The following PDGFRA variants were observed in gnomAD, a reference collection of about 807,000 sequenced individuals.
The protein encoded by PDGFRA is platelet derived growth factor receptor alpha, also known as platelet-derived growth factor receptor alpha.
In PDGFRA, 25 loss-of-function variants were observed where a neutral mutation model predicts 121.5. The ratio of observed to expected loss-of-function variants is 0.21; its 90% CI spans 0.15 to 0.29. The LOEUF is 0.29. Ranked by LOEUF, PDGFRA falls within the 10% of genes least tolerant of loss-of-function variation. The pLI, the probability that PDGFRA is intolerant of heterozygous loss-of-function variation, is 1.00. For synonymous variants in PDGFRA, 463 were observed against 494.8 expected (o/e 0.94, Z 0.85); for missense variants, 1,008 against 1,345.1 (o/e 0.75, Z 3.92).
At chr4:54,249,440 A>G (rs995794669) in intron 1 of PDGFRA, among the ~76,000 whole-genome samples, 4 of 152,318 alleles carry the variant, frequency 2.6e-5, no homozygotes, top group African/African-American at 9.6e-5. Flanking sequence ...TACACCATGG[A>G]ATAGTATGCA....
Position 54,277,410 on chromosome 4 carries a change from G to T in PDGFRA, c.1809G>T (p.Ala603=). 6.2e-7 allele frequency: 1 copy of T among 1,613,590 alleles called. No homozygotes were observed. The highest frequency in any genetic ancestry group is 1.3e-5 in the African/African-American group (1 of 74,866). Residue 603 remains alanine, a synonymous_variant, in exon 13 of 23, where the codon GCG becomes GCT. Transcript: ENST00000257290. ...CAGGTCGGGTCTTGGGGTCTGGAGC[G>T]TTTGGGAAGGTGGTTGAAGGAACAG... ...LVLGRVLGSG[A]FGKVVEGTAY...
chr4:54,255,346 A>C (rs1722301911), intron 1 of PDGFRA, among the ~76,000 whole-genome samples: 1 of 152,144 alleles, frequency 6.6e-6, no homozygotes, highest in African/African-American at 2.4e-5. Context: ...GCATTCAATA[A>C]AGCAGAATTC....
At chr4:54,239,256 G>T (rs749545016) in intron 1 of PDGFRA, among the ~76,000 whole-genome samples, 1 of 152,238 alleles carries the variant, frequency 6.6e-6, no homozygotes, top group Non-Finnish European at 1.5e-5. Context: ...GAAAACTCAT[G>T]AATCTTCTAC....
chr4:54,292,332 G>A (rs561467710), intron 22 of PDGFRA, among the ~76,000 whole-genome samples: 1 of 152,346 alleles, frequency 6.6e-6, no homozygotes, highest in African/African-American at 2.4e-5. Flanking sequence ...GGAATACGAT[G>A]CAGCCGTAAA....
chr4:54,250,833 G>A (rs990131270), intron 1 of PDGFRA, among the ~76,000 whole-genome samples: 4 of 152,090 alleles, frequency 2.6e-5, no homozygotes, highest in African/African-American at 9.7e-5. Flanking sequence ...GGGAGGCTGA[G>A]GCAGGCAGAT....
chr4:54,277,830 G>T (rs1723821826), intron 13 of PDGFRA, 66 bp from the exon 14 acceptor site: 8 of 1,059,922 alleles, frequency 7.5e-6, no homozygotes, highest in East Asian at 2.4e-5. Flanking sequence ...CATATTCTTG[G>T]TTTTTTTCTG....
At chr4:54,265,971 G>T (rs537974499) in intron 5 of PDGFRA, among the ~76,000 whole-genome samples, 2 of 152,002 alleles carry the variant, frequency 1.3e-5, no homozygotes, top group African/African-American at 4.8e-5. Flanking sequence ...TGCATTTGCC[G>T]CTGCTTTTCA....
chr4:54,263,717 G>T lies in PDGFRA; in HGVS notation c.418G>T (p.Val140Leu), dbSNP rs574683248. The change falls in exon 4 of 23, where the codon GTG becomes TTG. Residue 140 changes from valine (V) to leucine (L), a missense_variant. By Grantham distance (32) the Val-to-Leu change is conservative. This residue lies in a region of PDGFRA where 575 missense variants were observed against 701.8 expected (regional missense o/e 0.82). Coordinates refer to ENST00000257290, the MANE Select transcript of PDGFRA (RefSeq NM_006206.6). Reference protein sequence around the residue: ...PLGMTDYLVIVEDDDSAIIPC... With the variant: ...PLGMTDYLVILEDDDSAIIPC... ...AGGAATGACGGATTATTTAGTCATCGTGGAGGATGATGATTCTGCCATTAT... is the reference window on the plus strand; with the variant it reads ...AGGAATGACGGATTATTTAGTCATCTTGGAGGATGATGATTCTGCCATTAT... 7 of 1,613,442 alleles carry T rather than the reference G, an allele frequency of 4.3e-6. No homozygotes were observed. Among genetic ancestry groups the T allele is most frequent in the East Asian group, 4.5e-5 (2 of 44,894 alleles).
intron 1 of PDGFRA, among the ~76,000 whole-genome samples, chr4:54,230,873 C>G (rs1720621587): frequency 6.6e-6 from 1 of 152,244 alleles, no homozygotes; most frequent in Non-Finnish European, 1.5e-5. Context: ...CCCGGCTGCG[C>G]CCAGGGAGCG....
At chr4:54,250,092 A>G (rs1721965545) in intron 1 of PDGFRA, among the ~76,000 whole-genome samples, 1 of 152,192 alleles carries the variant, frequency 6.6e-6, no homozygotes, top group Non-Finnish European at 1.5e-5. Context: ...TATTATTACA[A>G]GATAATGAAA....
At position 54,267,733 on chromosome 4, in the gene PDGFRA, G is replaced by A. The variant is rs143089919; in HGVS notation, c.1113G>A (p.Gln371=). ...TCACCACTGATGTGGAAAAGATTCA[G>A]GAAATAAGGTAAAGAAACTCTCTGC... is the stretch of plus-strand genomic sequence containing the variant. ...TEITTDVEKI[Q]EIRYRSKLKL... Residue 371 remains glutamine (Q), a synonymous_variant, in exon 7 of 23, where the codon CAG becomes CAA. Transcript: ENST00000257290. 1.3e-4 allele frequency: 216 copies of A among 1,613,522 alleles called. 1 individual carries two copies. The highest frequency in any genetic ancestry group is 1.6e-4 in the Non-Finnish European group (184 of 1,179,680).
chr4:54,295,163 C>G lies in PDGFRA; in HGVS notation c.3161C>G (p.Ser1054Cys), dbSNP rs778837386. The change falls in exon 23 of 23, where the codon TCC becomes TGC. Residue 1054 changes from serine (S) to cysteine (C), a missense_variant. This residue lies in a region of PDGFRA where 204 missense variants were observed against 243.0 expected (regional missense o/e 0.84). Transcript: ENST00000257290. The stretch of plus-strand genomic sequence containing the variant: ...GAAGAGAGTGCCATTGAGACGGGTT[C>G]CAGCAGTTCCACCTTCATCAAGAGA... ...TSEESAIETG[S>C]SSSTFIKRED... The G allele has an allele frequency of 6.2e-7, 1 of 1,614,046 alleles. No individual in the cohort carries two copies. The highest frequency in any genetic ancestry group is 1.1e-5 in the South Asian group (1 of 91,080).
intron 1 of PDGFRA, among the ~76,000 whole-genome samples, chr4:54,247,516 A>ACAAC (rs1235630782): frequency 5.9e-5 from 9 of 152,184 alleles, no homozygotes; most frequent in African/African-American, 2.2e-4. Context: ...ACAAAATTCA[A>ACAAC]CAACCCTTCA....
chr4:54,267,840 A>G (rs1299678150), intron 7 of PDGFRA, 99 bp downstream of exon 7: 2 of 912,022 alleles, frequency 2.2e-6, no homozygotes, highest in Non-Finnish European at 3.6e-6. Flanking sequence ...AAGTCAGTCT[A>G]GAAAATGTAA....
chr4:54,259,029 T>C (rs1722536090), intron 2 of PDGFRA, among the ~76,000 whole-genome samples: 1 of 152,218 alleles, frequency 6.6e-6, no homozygotes, highest in Admixed American at 6.5e-5. Context: ...TGCTCTCCAG[T>C]GGCAGTTTTA....
At chr4:54,270,371 G>A (rs778584651) in intron 7 of PDGFRA, among the ~76,000 whole-genome samples, 15 of 152,230 alleles carry the variant, frequency 9.9e-5, no homozygotes, top group East Asian at 3.9e-4. Flanking sequence ...AAGTCAGGCC[G>A]TGGCTGAACT....
intron 5 of PDGFRA, among the ~76,000 whole-genome samples, chr4:54,266,411 C>CTTTTTTTTTTTTTTTTTTTTTTT (rs552308043): frequency 7.7e-6 from 1 of 130,546 alleles, no homozygotes; most frequent in Admixed American, 7.7e-5. Flanking sequence ...TTTCTTTTTT[C>CTTTTTTTTTTTTTTTTTTTTTTT]TTTTTTTTTT....
intron 1 of PDGFRA, among the ~76,000 whole-genome samples, chr4:54,238,711 A>G (rs1721139201): frequency 6.6e-6 from 1 of 152,162 alleles, no homozygotes; most frequent in Admixed American, 6.5e-5. Context: ...CATTCCTGTA[A>G]TCATAGTACT....
intron 1 of PDGFRA, among the ~76,000 whole-genome samples, chr4:54,246,713 A>C (rs1172423144): frequency 1.3e-5 from 2 of 151,910 alleles, no homozygotes; most frequent in East Asian, 3.9e-4. Flanking sequence ...AAATAACTAA[A>C]ATCAGAGCAG....
Sources: allele counts gnomAD v4.1 joint callset (sites outside exome capture counted in the v4.1 genomes callset), GRCh38; gene constraint gnomAD v4.1.1; regional missense constraint gnomAD v4.1.1; transcripts MANE v1.5; gene names NCBI Gene and HGNC (gene_info 2026-07-23, HGNC 2026-07-21).